PLCL1: variants seen among roughly 807,000 people sequenced by gnomAD.
PLCL1 encodes the protein phospholipase C like 1 (inactive), also known as inactive phospholipase C-like protein 1.
In PLCL1, 41 loss-of-function variants were observed where a neutral mutation model predicts 84.4. The observed-to-expected ratio is 0.49, with a 90% confidence interval of 0.38 to 0.63. PLCL1 has a LOEUF of 0.63. Ranked by LOEUF, PLCL1 falls within the 30% of genes least tolerant of loss-of-function variation. The pLI is 0.00. For synonymous variants in PLCL1, 490 were observed against 488.3 expected (o/e 1.00, Z -0.05); for missense variants, 1,206 against 1,367.8 (o/e 0.88, Z 1.87).
At chr2:198,066,442 C>G (rs916225596) in intron 1 of PLCL1, among the ~76,000 whole-genome samples, 1 of 152,086 alleles carries the variant, frequency 6.6e-6, no homozygotes, top group Non-Finnish European at 1.5e-5. Context: ...CCCCATTGCT[C>G]CCAACCCAGT....
intron 3 of PLCL1, among the ~76,000 whole-genome samples, chr2:198,096,352 T>A (rs1415459819): frequency 6.6e-6 from 1 of 152,238 alleles, no homozygotes; most frequent in Non-Finnish European, 1.5e-5. Flanking sequence ...CAAATACATT[T>A]GAAAGAAAAA....
Position 198,055,326 on chromosome 2 carries a change from TC to T in PLCL1, c.241-28431del, listed in dbSNP as rs1692038402. On this transcript the variant is annotated intron_variant, in intron 1 of 5. Coordinates refer to ENST00000428675, the MANE Select transcript of PLCL1 (RefSeq NM_006226.4). ...CTCTCTCTCTCTCTCTCTCTCTCTCTCTCTGTGTGTGTGTGTGTCTGTGTAT... is the reference window on the plus strand; with the variant it reads ...CTCTCTCTCTCTCTCTCTCTCTCTCTTCTGTGTGTGTGTGTGTCTGTGTAT... Among the ~76,000 whole-genome samples the T allele has an allele frequency of 1.8e-5, 2 of 108,484 alleles. 1 individual carries two copies. The highest frequency in any genetic ancestry group is 8.9e-5 in the African/African-American group (2 of 22,584). The allele number at this position is 108,484 out of a possible 152,430, so 71.2% of individuals were successfully genotyped here.
intron 1 of PLCL1, among the ~76,000 whole-genome samples, chr2:197,885,237 G>A (rs867546443): frequency 2.0e-5 from 3 of 152,146 alleles, no homozygotes; most frequent in African/African-American, 7.2e-5. Flanking sequence ...TGGAGAATTA[G>A]CATATGCAAA....
At position 197,910,573 on chromosome 2, in the gene PLCL1, T is replaced by C. The variant is rs535503021; in HGVS notation, c.240+105234T>C. Among the ~76,000 whole-genome samples the C allele has an allele frequency of 2.6e-5, 4 of 152,378 alleles. No homozygotes were observed. The East Asian group carries it at 7.7e-4, about 29-fold the overall frequency. On this transcript the variant is annotated intron_variant, in intron 1 of 5. Transcript: ENST00000428675. The stretch of plus-strand genomic sequence containing the variant: ...CTGTTTCTTACTGCACATCAGTCTC[T>C]TCTCTACTTGATGGTCAATTGCTTT...
chr2:198,083,904 C>A lies in PLCL1; in HGVS notation c.387C>A (p.Arg129=). The A allele has an allele frequency of 6.2e-7, 1 of 1,614,128 alleles. No individual in the cohort carries two copies. The highest frequency in any genetic ancestry group is 1.1e-5 in the South Asian group (1 of 91,080). The change falls in exon 2 of 6, where the codon CGC becomes CGA. Residue 129 remains arginine, a synonymous_variant. Transcript: ENST00000428675. ...TGAAGAAAGTCCGGCCAAATTCTCG[C>A]ATTTACAACCGTTTTTTCACTCTGG... is the stretch of plus-strand genomic sequence containing the variant. The part of the protein sequence containing the change: ...CELKKVRPNS[R]IYNRFFTLDT...
In PLCL1 at chr2:198,076,465, C is replaced by T. The variant is rs78323604; in HGVS notation, c.241-7293C>T. On this transcript the variant is annotated intron_variant, in intron 1 of 5. Transcript: ENST00000428675. ...GAGAAACTTGCATGCATACACTTAGCATTGCCTTTAATTAATTCTGTTGAC... is the reference window on the plus strand; with the variant it reads ...GAGAAACTTGCATGCATACACTTAGTATTGCCTTTAATTAATTCTGTTGAC... Among the ~76,000 whole-genome samples, 464 of 152,306 alleles carry T rather than the reference C, an allele frequency of 3.0e-3. 2 individuals are homozygous for T. The highest frequency in any genetic ancestry group is 0.01 in the African/African-American group (434 of 41,568).
chr2:198,118,262 C>T (rs1270121204), intron 5 of PLCL1, among the ~76,000 whole-genome samples: 2 of 151,888 alleles, frequency 1.3e-5, no homozygotes, highest in African/African-American at 2.4e-5. Context: ...TTTTATCAAC[C>T]ATACTAAATC....
intron 1 of PLCL1, among the ~76,000 whole-genome samples, chr2:197,912,156 A>C (rs1388543473): frequency 6.6e-6 from 1 of 152,234 alleles, no homozygotes; most frequent in Non-Finnish European, 1.5e-5. Context: ...TTTTCTGACT[A>C]GGCAAGAAAA....
At chr2:197,996,202 G>A (rs960391306) in intron 1 of PLCL1, among the ~76,000 whole-genome samples, 2 of 152,076 alleles carry the variant, frequency 1.3e-5, no homozygotes, top group Non-Finnish European at 2.9e-5. Context: ...CAGAAATGCT[G>A]GTTAGGAAGG....
In PLCL1 at chr2:197,805,430, G is replaced by T; in HGVS notation, c.240+91G>T. The T allele has an allele frequency of 8.5e-7, 1 of 1,175,954 alleles. No homozygotes were observed. The highest frequency in any genetic ancestry group is 1.1e-6 in the Non-Finnish European group (1 of 927,108). The allele number at this position is 1,175,954 out of a possible 1,614,324, so 72.8% of individuals were successfully genotyped here. On this transcript the variant is annotated intron_variant, in intron 1 of 5. Coordinates refer to ENST00000428675, the MANE Select transcript of PLCL1 (RefSeq NM_006226.4). This position sits in a 1 kb window ranked among gnomAD's most constrained non-coding sequence, Gnocchi z 4.0. The stretch of plus-strand genomic sequence containing the variant: ...GGATGTGCGGTGTCCGGAGGCATCC[G>T]GGCTCAGCATTGTTTTCTCCCACCT...
At chr2:198,086,278 T>G in intron 2 of PLCL1, 46 bp downstream of exon 2, 1 of 1,278,622 alleles carries the variant, frequency 7.8e-7, no homozygotes, top group South Asian at 1.3e-5. Context: ...TGCTTATTCC[T>G]ACCCGTATAA....
intron 1 of PLCL1, among the ~76,000 whole-genome samples, chr2:198,052,183 A>C (rs1691950210): frequency 6.6e-6 from 1 of 152,126 alleles, no homozygotes; most frequent in Non-Finnish European, 1.5e-5. Context: ...AAGTGCTGGG[A>C]TTACAGGCGT....
intron 1 of PLCL1, among the ~76,000 whole-genome samples, chr2:198,078,787 T>A (rs1308899751): frequency 2.6e-5 from 4 of 152,172 alleles, no homozygotes; most frequent in Admixed American, 2.0e-4. Flanking sequence ...GCTCATGAGG[T>A]CAAAGGCAGG....
intron 1 of PLCL1, among the ~76,000 whole-genome samples, chr2:197,835,484 C>T (rs1691167229): frequency 6.6e-6 from 1 of 152,156 alleles, no homozygotes; most frequent in East Asian, 1.9e-4. Flanking sequence ...CCATTCCTGG[C>T]AACCATCGTT....
rs985756784 is a variant in PLCL1 at position 197,920,573 on chromosome 2, A to G, written c.240+115234A>G. Among the ~76,000 whole-genome samples the G allele has an allele frequency of 3.3e-5, 5 of 152,204 alleles. No homozygotes were observed. The South Asian group carries it at 8.3e-4, about 25-fold the overall frequency. ...TAATGGAATGATTGCAAAATAGAGT[A>G]AGTATATAATAACATATGCAAAAGT... On this transcript the variant is annotated intron_variant, in intron 1 of 5. Transcript: ENST00000428675.
chr2:197,884,924 C>T (rs1687890989), intron 1 of PLCL1, among the ~76,000 whole-genome samples: 1 of 152,074 alleles, frequency 6.6e-6, no homozygotes, highest in Non-Finnish European at 1.5e-5. Flanking sequence ...TTGCTTAAAG[C>T]CCTCCAACAG....
chr2:197,825,667 C>G (rs1002314622), intron 1 of PLCL1, among the ~76,000 whole-genome samples: 7 of 152,170 alleles, frequency 4.6e-5, no homozygotes, highest in African/African-American at 1.7e-4. Context: ...GTTCGCTTTC[C>G]TTAACAGGAA....
chr2:198,102,325 A>G (rs533514672), intron 4 of PLCL1, among the ~76,000 whole-genome samples: 3 of 152,102 alleles, frequency 2.0e-5, no homozygotes, highest in African/African-American at 7.2e-5. Flanking sequence ...ACCACATGTC[A>G]CCCGTGAGGA....
intron 5 of PLCL1, among the ~76,000 whole-genome samples, chr2:198,145,757 A>G (rs961886050): frequency 1.3e-5 from 2 of 152,234 alleles, no homozygotes; most frequent in African/African-American, 4.8e-5. Flanking sequence ...AAGTTTCTTC[A>G]TACACCCTAA....
Sources: allele counts gnomAD v4.1 joint callset (sites outside exome capture counted in the v4.1 genomes callset), GRCh38; gene constraint gnomAD v4.1.1; non-coding constraint Gnocchi (gnomAD v3.1); transcripts MANE v1.5; gene names NCBI Gene and HGNC (gene_info 2026-07-23, HGNC 2026-07-21).